Variants in BTBD16 observed in about 807,000 individuals in gnomAD.
BTBD16 encodes the protein BTB/POZ domain-containing protein 16.
BTBD16 carries 66 observed loss-of-function variants against 67.4 expected under a neutral mutation model. The observed-to-expected ratio is 0.98, with a 90% confidence interval of 0.80 to 1.20. The LOEUF (loss-of-function observed/expected upper bound fraction) is 1.20. BTBD16 is among the 50% of genes most tolerant of loss of function. The pLI is 0.00. For synonymous variants in BTBD16, 242 were observed against 236.4 expected (o/e 1.02, Z -0.22); for missense variants, 634 against 616.0 (o/e 1.03, Z -0.31).
chr10:122,312,309 CTTTTTT>C (rs58045019), intron 10 of BTBD16, among the ~76,000 whole-genome samples: 4,859 of 105,608 alleles, frequency 0.046, 180 homozygotes, highest in East Asian at 0.25. Context: ...TTTTCTTTTT[CTTTTTT>C]TTTTTTTTTT....
At chr10:122,329,370 C>T in intron 10 of BTBD16, 110 bp from the exon 11 acceptor site, 1 of 995,874 alleles carries the variant, frequency 1.0e-6, no homozygotes, top group Non-Finnish European at 1.5e-6. Context: ...CCCCATCTCC[C>T]CCTGGCTAGT....
At chr10:122,327,692 T>A in intron 10 of BTBD16, 2 of 965,882 alleles carry the variant, frequency 2.1e-6, no homozygotes, top group Non-Finnish European at 2.5e-6. Context: ...ACAAGCTGTC[T>A]CAACAAAGCT....
In BTBD16 at chr10:122,280,965, C is replaced by T. The variant is rs937405478; in HGVS notation, c.168-2886C>T. On this transcript the variant is annotated intron_variant, in intron 3 of 15. Transcript: ENST00000260723. ...GGACCACAGACATGGCCACCACATG[C>T]TGAATTTTTTATTTAATGTTTTGTA... Among the ~76,000 whole-genome samples the T allele has an allele frequency of 2.0e-5, 3 of 152,054 alleles. No homozygotes were observed. The South Asian group carries it at 6.2e-4, about 32-fold the overall frequency.
At chr10:122,290,366 T>C (rs2096371685) in intron 6 of BTBD16, among the ~76,000 whole-genome samples, 1 of 152,086 alleles carries the variant, frequency 6.6e-6, no homozygotes, top group Non-Finnish European at 1.5e-5. Flanking sequence ...AAATAACACT[T>C]TACCGGCCTC....
At chr10:122,329,098 T>A (rs1216986367) in intron 10 of BTBD16, among the ~76,000 whole-genome samples, 1 of 152,192 alleles carries the variant, frequency 6.6e-6, no homozygotes, top group Non-Finnish European at 1.5e-5. Context: ...GAGCTCACTA[T>A]CCTTGCCCCG....
chr10:122,272,601 A>C (rs1183703405), intron 1 of BTBD16, among the ~76,000 whole-genome samples: 3 of 152,136 alleles, frequency 2.0e-5, no homozygotes, highest in Non-Finnish European at 1.5e-5. Flanking sequence ...TTGGCCTCCC[A>C]AAGTGCTGGG....
intron 10 of BTBD16, among the ~76,000 whole-genome samples, chr10:122,324,427 G>A (rs938109099): frequency 6.6e-6 from 1 of 152,250 alleles, no homozygotes; most frequent in African/African-American, 2.4e-5. Flanking sequence ...TGTGTCCCCA[G>A]GGTGGGCGAG....
At chr10:122,307,102 C>A in intron 9 of BTBD16, 87 bp from the exon 10 acceptor site, 1 of 1,475,500 alleles carries the variant, frequency 6.8e-7, no homozygotes, top group South Asian at 1.4e-5. Context: ...TCACCTCATT[C>A]CCAAACTCAT....
chr10:122,314,473 CAGCCTAGATG>C (rs2096420280), intron 10 of BTBD16, among the ~76,000 whole-genome samples: 1 of 152,020 alleles, frequency 6.6e-6, no homozygotes, highest in South Asian at 2.1e-4. Flanking sequence ...CGATGCACTC[CAGCCTAGATG>C]GCAAAGTGAG....
intron 4 of BTBD16, among the ~76,000 whole-genome samples, chr10:122,285,061 G>A (rs1423954308): frequency 6.6e-6 from 1 of 152,136 alleles, no homozygotes; most frequent in Non-Finnish European, 1.5e-5. Context: ...CATAACATGG[G>A]TGAATAACAA....
chr10:122,304,363 G>A (rs746034496), intron 9 of BTBD16, among the ~76,000 whole-genome samples: 1 of 152,180 alleles, frequency 6.6e-6, no homozygotes, highest in Non-Finnish European at 1.5e-5. Context: ...ACCACATAGA[G>A]TGGTTGAATG....
chr10:122,305,142 C>T (rs2096401362), intron 9 of BTBD16, among the ~76,000 whole-genome samples: 1 of 152,192 alleles, frequency 6.6e-6, no homozygotes, highest in Admixed American at 6.5e-5. Context: ...CAGTAATCAG[C>T]TGATTCTTTT....
At chr10:122,314,775 A>G (rs1307279795) in intron 10 of BTBD16, among the ~76,000 whole-genome samples, 1 of 152,174 alleles carries the variant, frequency 6.6e-6, no homozygotes, top group Non-Finnish European at 1.5e-5. Context: ...TTTTCTACAT[A>G]TAATTATGTG....
chr10:122,297,844 A>G lies in BTBD16; in HGVS notation c.660+7A>G, dbSNP rs941174298. 2.5e-6 allele frequency: 4 copies of G among 1,614,048 alleles called. No homozygotes were observed. The highest frequency in any genetic ancestry group is 2.2e-5 in the South Asian group (2 of 91,022). On this transcript the variant is annotated splice_region_variant and intron_variant, in intron 8 of 15. Coordinates refer to ENST00000260723, the MANE Select transcript of BTBD16 (RefSeq NM_144587.5). ...CTACGAGGCCGGCTGCAAGGTGAGA[A>G]CAACCCAGACGGGGCACATCGCCCC...
In BTBD16 at chr10:122,332,219, C is replaced by T. The variant is rs1074794; in HGVS notation, c.1087-217C>T. On this transcript the variant is annotated intron_variant, in intron 12 of 15. Coordinates refer to ENST00000260723, the MANE Select transcript of BTBD16 (RefSeq NM_144587.5). ...TGCTCAGATACTTTTTTGTCTTCTC[C>T]TTGCATCCTCTGAGAGCACTGGACA... 39 of 530,158 alleles carry T rather than the reference C, an allele frequency of 7.4e-5. No individual in the cohort carries two copies. The Admixed American group carries it at 1.1e-3, about 15-fold the overall frequency. The allele number at this position is 530,158 out of a possible 1,614,324, so 32.8% of individuals were successfully genotyped here. A position where few individuals can be genotyped will look rare whatever the true frequency, so the allele number is the denominator to read the frequency against.
At chr10:122,285,442 A>G (rs1298203665) in intron 4 of BTBD16, among the ~76,000 whole-genome samples, 3 of 152,248 alleles carry the variant, frequency 2.0e-5, no homozygotes, top group South Asian at 2.1e-4. Context: ...GGTCATGAGA[A>G]TCCTACCCTC....
chr10:122,285,879 A>G (rs2096362667), intron 4 of BTBD16, among the ~76,000 whole-genome samples: 1 of 152,128 alleles, frequency 6.6e-6, no homozygotes, highest in African/African-American at 2.4e-5. Context: ...GACACGTGAC[A>G]TGTCCTGGGT....
At chr10:122,302,280 A>G (rs2096395479) in intron 9 of BTBD16, among the ~76,000 whole-genome samples, 1 of 151,978 alleles carries the variant, frequency 6.6e-6, no homozygotes, top group South Asian at 2.1e-4. Flanking sequence ...GTCTAAATTT[A>G]TTTGCCTGGC....
Position 122,307,171 on chromosome 10 carries a change from T to C in BTBD16, c.792-18T>C. On this transcript the variant is annotated intron_variant, in intron 9 of 15. Coordinates refer to ENST00000260723, the MANE Select transcript of BTBD16 (RefSeq NM_144587.5). ...TGCTATTTCTGAAATTTCTTCTCAATCTTTTTATTTTGGCCAGGTTATTTA... is the reference window on the plus strand; with the variant it reads ...TGCTATTTCTGAAATTTCTTCTCAACCTTTTTATTTTGGCCAGGTTATTTA... 6.3e-7 allele frequency: 1 copy of C among 1,575,850 alleles called. No homozygotes were observed. Among genetic ancestry groups the C allele is most frequent in the Non-Finnish European group, 8.6e-7 (1 of 1,166,612 alleles).
Sources: gnomAD v4.1 joint callset for allele counts (sites outside exome capture counted in the v4.1 genomes callset) on GRCh38, gnomAD v4.1.1 for gene constraint, MANE v1.5 for transcripts, NCBI Gene and HGNC (gene_info 2026-07-23, HGNC 2026-07-21) for gene names.